Variants in CCDC171 observed in about 807,000 individuals in gnomAD.
CCDC171 encodes coiled-coil domain-containing protein 171.
Under a neutral mutation model 168.2 loss-of-function variants are expected in CCDC171, and 177 were observed. The ratio of observed to expected loss-of-function variants is 1.05; its 90% CI spans 0.93 to 1.19. The LOEUF is 1.19. Among genes scored for constraint, CCDC171 ranks in the 50% most tolerant of loss-of-function variants. CCDC171 has a pLI of 0.00. For synonymous variants in CCDC171, 687 were observed against 540.8 expected (o/e 1.27, Z -3.75); for missense variants, 1,991 against 1,539.0 (o/e 1.29, Z -4.91).
chr9:15,721,374 G>A (rs750160855), intron 11 of CCDC171, among the ~76,000 whole-genome samples: 1 of 151,616 alleles, frequency 6.6e-6, no homozygotes. Flanking sequence ...CCAAACAATG[G>A]TAATGTATAC....
At chr9:15,854,094 G>GGATTCCCTTGTTTGTA (rs2061253386) in intron 23 of CCDC171, among the ~76,000 whole-genome samples, 6 of 150,296 alleles carry the variant, frequency 4.0e-5, no homozygotes, top group African/African-American at 1.5e-4. Flanking sequence ...CGGGCTTTAG[G>GGATTCCCTTGTTTGTA]ATCAGAGTAA....
chr9:15,697,835 G>C (rs1197379786), intron 11 of CCDC171, among the ~76,000 whole-genome samples: 2 of 152,084 alleles, frequency 1.3e-5, no homozygotes, highest in African/African-American at 4.8e-5. Flanking sequence ...GTTAGCTGTG[G>C]CAATTTCTTT....
intron 12 of CCDC171, among the ~76,000 whole-genome samples, chr9:15,723,424 T>A (rs1316505699): frequency 6.6e-6 from 1 of 152,220 alleles, no homozygotes; most frequent in African/African-American, 2.4e-5. Flanking sequence ...GTGGTAAAAA[T>A]ATAGTAACAT....
intron 3 of CCDC171, among the ~76,000 whole-genome samples, chr9:15,983,964 A>C (rs968448756): frequency 6.6e-6 from 1 of 152,084 alleles, no homozygotes; most frequent in Non-Finnish European, 1.5e-5. Flanking sequence ...TTCCCACCAG[A>C]ACCATTGAGG....
rs2059681696 is a variant in CCDC171, at chr9:15,819,411, CAAG to C, written c.3268-27289_3268-27287del. On this transcript the variant is annotated intron_variant, in intron 21 of 25. Transcript: ENST00000380701. ...GACACAGACTGGCAAATTGGATAGTCAAGACCCATCAGTGTGCTGTATTCAGGA... is the reference window on the plus strand; with the variant it reads ...GACACAGACTGGCAAATTGGATAGTCACCCATCAGTGTGCTGTATTCAGGA... Among the ~76,000 whole-genome samples the C allele has an allele frequency of 1.7e-5, 2 of 116,458 alleles. 1 individual carries two copies. The highest frequency in any genetic ancestry group is 3.9e-5 in the Non-Finnish European group (2 of 51,808). The allele number at this position is 116,458 out of a possible 152,430, so 76.4% of individuals were successfully genotyped here. A position where few individuals can be genotyped will look rare whatever the true frequency, so the allele number is the denominator to read the frequency against.
chr9:15,790,571 C>G (rs1288354258), intron 21 of CCDC171, among the ~76,000 whole-genome samples: 4 of 152,156 alleles, frequency 2.6e-5, no homozygotes, highest in Admixed American at 2.0e-4. Flanking sequence ...ATGGTAGTTT[C>G]TTTTGCTGTG....
intron 7 of CCDC171, among the ~76,000 whole-genome samples, chr9:15,639,740 T>G (rs2046453973): frequency 6.6e-6 from 1 of 152,178 alleles, no homozygotes; most frequent in Non-Finnish European, 1.5e-5. Flanking sequence ...TCAAGATGAC[T>G]GGCACAGAGA....
chr9:15,565,784 C>G (rs2039681387), intron 2 of CCDC171, among the ~76,000 whole-genome samples: 1 of 152,158 alleles, frequency 6.6e-6, no homozygotes, highest in South Asian at 2.1e-4. Flanking sequence ...GTTGTTTCCA[C>G]TTTTTGGGTA....
intron 17 of CCDC171, 56 bp downstream of exon 17, chr9:15,744,833 G>C (rs903065308): frequency 1.3e-5 from 20 of 1,501,212 alleles, no homozygotes; most frequent in Non-Finnish European, 1.7e-5. Context: ...AATACAGTGT[G>C]ACTATACCTG....
chr9:15,706,861 G>A (rs1002713142), intron 11 of CCDC171, among the ~76,000 whole-genome samples: 7 of 152,182 alleles, frequency 4.6e-5, no homozygotes, highest in Non-Finnish European at 8.8e-5. Flanking sequence ...GGAAATAAAA[G>A]CAGTAGCATT....
At chr9:15,755,705 C>T (rs767355797) in intron 18 of CCDC171, among the ~76,000 whole-genome samples, 58 of 152,294 alleles carry the variant, frequency 3.8e-4, no homozygotes, top group Middle Eastern at 3.4e-3. Flanking sequence ...CAAAAGATCA[C>T]ATATTGCATG....
At chr9:15,861,802 G>C (rs1363079614) in intron 23 of CCDC171, among the ~76,000 whole-genome samples, 1 of 151,892 alleles carries the variant, frequency 6.6e-6, no homozygotes, top group Non-Finnish European at 1.5e-5. Flanking sequence ...GAGTAATAAA[G>C]CATTCTGTAT....
intron 7 of CCDC171, among the ~76,000 whole-genome samples, chr9:15,638,471 G>A (rs966742517): frequency 6.6e-6 from 1 of 151,834 alleles, no homozygotes; most frequent in African/African-American, 2.4e-5. Flanking sequence ...GGTAAGATGG[G>A]ATAATAATAA....
chr9:16,098,539 T>C, the CCDC171 span, among the ~76,000 whole-genome samples: 25 of 152,354 alleles, frequency 1.6e-4, no homozygotes, highest in South Asian at 8.3e-4. Flanking sequence ...AGCCCCAGTT[T>C]TGGCATATGT....
chr9:15,923,901 A>G (rs960770083), intron 25 of CCDC171, among the ~76,000 whole-genome samples: 7 of 151,324 alleles, frequency 4.6e-5, no homozygotes, highest in African/African-American at 1.7e-4. Context: ...ATAAGATTGC[A>G]GCCCAGATCT....
chr9:15,692,774 G>A (rs943508313), intron 10 of CCDC171, among the ~76,000 whole-genome samples: 1 of 151,428 alleles, frequency 6.6e-6, no homozygotes, highest in Non-Finnish European at 1.5e-5. Flanking sequence ...TGATCCACGC[G>A]CCTCGGCCTC....
chr9:15,633,357 G>A (rs999162883), intron 7 of CCDC171, among the ~76,000 whole-genome samples: 1 of 152,126 alleles, frequency 6.6e-6, no homozygotes, highest in Non-Finnish European at 1.5e-5. Flanking sequence ...CAAAAACGGG[G>A]CAAAGGACAT....
intron 7 of CCDC171, 70 bp downstream of exon 7, chr9:15,623,483 A>ACACACACACACT: frequency 1.9e-6 from 1 of 531,118 alleles, no homozygotes; most frequent in South Asian, 4.3e-5. Flanking sequence ...GCGCACACAC[A>ACACACACACACT]CACACACACA....
intron 25 of CCDC171, among the ~76,000 whole-genome samples, chr9:15,930,295 G>A (rs76126879): frequency 0.05 from 7,527 of 150,858 alleles, 392 homozygotes; most frequent in South Asian, 0.13. Flanking sequence ...TTCTGTATTA[G>A]CACTTAATGA....
Sources: gnomAD v4.1 joint callset for allele counts (sites outside exome capture counted in the v4.1 genomes callset) on GRCh38, gnomAD v4.1.1 for gene constraint, MANE v1.5 for transcripts, NCBI Gene and HGNC (gene_info 2026-07-23, HGNC 2026-07-21) for gene names.